CA10: variants seen among roughly 807,000 people sequenced by gnomAD.
The protein encoded by CA10 is carbonic anhydrase 10 (inactive).
Under a neutral mutation model 44.2 loss-of-function variants are expected in CA10, and 14 were observed. The ratio of observed to expected loss-of-function variants is 0.32; its 90% CI spans 0.21 to 0.50. The LOEUF is 0.50. Among genes scored for constraint, CA10 ranks in the 20% least tolerant of loss-of-function variants. CA10 has a pLI of 0.99. For missense variants in CA10, 350 were observed against 409.7 expected, an observed-to-expected ratio of 0.85 and a Z score of 1.26; for synonymous variants, 159 against 141.6, an observed-to-expected ratio of 1.12 and a Z score of -0.87.
chr17:52,100,288 T>C (rs1713604305), intron 1 of CA10, among the ~76,000 whole-genome samples: 1 of 152,128 alleles, frequency 6.6e-6, no homozygotes, highest in South Asian at 2.1e-4. Flanking sequence ...GGCACAGAGA[T>C]ATCATCTTCA....
intron 1 of CA10, among the ~76,000 whole-genome samples, chr17:52,119,248 G>A (rs1399450537): frequency 6.6e-6 from 1 of 150,984 alleles, no homozygotes; most frequent in African/African-American, 2.4e-5. Context: ...CAGTATTCAT[G>A]ACTTATGGCA....
intron 3 of CA10, among the ~76,000 whole-genome samples, chr17:51,769,585 A>G (rs952080044): frequency 1.3e-5 from 2 of 152,208 alleles, no homozygotes; most frequent in Non-Finnish European, 2.9e-5. Flanking sequence ...GACATCAGCT[A>G]TATGTAAAAG....
intron 3 of CA10, among the ~76,000 whole-genome samples, chr17:51,794,666 T>C (rs1463391302): frequency 6.6e-6 from 1 of 152,226 alleles, no homozygotes. Context: ...TTTCAACAAA[T>C]ATTTATTTTG....
At chr17:51,986,597 AC>A (rs1226802046) in intron 2 of CA10, among the ~76,000 whole-genome samples, 15 of 151,974 alleles carry the variant, frequency 9.9e-5, no homozygotes, top group Non-Finnish European at 2.1e-4. Context: ...GAAAATTTTC[AC>A]AGTCTATACA....
rs1183001217 is a variant in CA10 at position 51,824,926 on chromosome 17, C to T, written c.280-77108G>A. Among the ~76,000 whole-genome samples the T allele has an allele frequency of 2.6e-5, 4 of 152,368 alleles. No individual in the cohort carries two copies. In the East Asian group the frequency reaches 5.8e-4, roughly 22 times the overall value. On this transcript the variant is annotated intron_variant, in intron 3 of 8. Coordinates refer to ENST00000451037, the MANE Select transcript of CA10 (RefSeq NM_020178.5). Reference sequence around the variant, plus strand: ...CCATTTGCAGGCGTGGCCTTGGCAGCGGTGCTGGCTAGCCGCTGGTTCGGT... The same window carrying T: ...CCATTTGCAGGCGTGGCCTTGGCAGTGGTGCTGGCTAGCCGCTGGTTCGGT...
intron 3 of CA10, among the ~76,000 whole-genome samples, chr17:51,908,515 A>C (rs983609904): frequency 4.6e-5 from 7 of 152,138 alleles, no homozygotes; most frequent in African/African-American, 1.7e-4. Context: ...CCTGCCTGCT[A>C]GATTTGATTT....
chr17:51,755,705 C>T (rs1180444073), intron 3 of CA10, among the ~76,000 whole-genome samples: 2 of 152,216 alleles, frequency 1.3e-5, no homozygotes, highest in African/African-American at 4.8e-5. Flanking sequence ...AGGACACCTA[C>T]TAATTGGAGG....
chr17:52,043,218 G>T (rs888645362), intron 2 of CA10, among the ~76,000 whole-genome samples: 2 of 152,032 alleles, frequency 1.3e-5, no homozygotes, highest in Non-Finnish European at 2.9e-5. Context: ...CATTAACACA[G>T]AATATCATTC....
chr17:51,851,788 T>C (rs924723894), intron 3 of CA10, among the ~76,000 whole-genome samples: 2 of 152,216 alleles, frequency 1.3e-5, no homozygotes, highest in Admixed American at 6.5e-5. Context: ...TCTTTGGCCA[T>C]GTTTCCTCAT....
chr17:51,652,052 G>A (rs1013873996), intron 5 of CA10, among the ~76,000 whole-genome samples: 3 of 152,166 alleles, frequency 2.0e-5, no homozygotes, highest in Non-Finnish European at 4.4e-5. Flanking sequence ...AAAATGTCAT[G>A]TACTCCCTTC....
At chr17:51,732,037 A>G (rs995045698) in intron 4 of CA10, among the ~76,000 whole-genome samples, 2 of 152,146 alleles carry the variant, frequency 1.3e-5, no homozygotes, top group African/African-American at 4.8e-5. Flanking sequence ...TATTATTATT[A>G]TTACCATTCT....
At position 52,158,436 on chromosome 17, in the gene CA10, T is replaced by C. The variant is rs577897359; in HGVS notation, c.-650A>G. On this transcript the variant is annotated 5_prime_UTR_variant, in exon 1 of 9. Coordinates refer to ENST00000451037, the MANE Select transcript of CA10 (RefSeq NM_020178.5). ...ACAGAGAAAGAGAGGCAGGGATTAT[T>C]GCCCGAAACCGCCAGCCGCCGGCAG... 9.6e-4 allele frequency: 151 copies of C among 157,004 alleles called. No individual in the cohort carries two copies. The highest frequency in any genetic ancestry group is 3.1e-3 in the Middle Eastern group (1 of 318). 9.7% of individuals were successfully genotyped at this position (157,004 alleles called of 1,614,324 possible).
chr17:51,695,690 T>C (rs967785447), intron 4 of CA10, among the ~76,000 whole-genome samples: 1 of 152,198 alleles, frequency 6.6e-6, no homozygotes, highest in Non-Finnish European at 1.5e-5. Context: ...GGCAAGGACT[T>C]CCAGTACTGT....
chr17:52,120,468 CCTTATCCTT>C (rs1261176121), intron 1 of CA10, among the ~76,000 whole-genome samples: 1 of 147,902 alleles, frequency 6.8e-6, no homozygotes, highest in Non-Finnish European at 1.5e-5. Context: ...TTATCCTTAT[CCTTATCCTT>C]ATCTTTAACC....
chr17:51,890,161 G>T (rs1171270320), intron 3 of CA10, among the ~76,000 whole-genome samples: 1 of 152,120 alleles, frequency 6.6e-6, no homozygotes, highest in Non-Finnish European at 1.5e-5. Context: ...AGAACAGTTC[G>T]GTTAACTTCT....
chr17:51,826,792 G>T (rs1348522217), intron 3 of CA10, among the ~76,000 whole-genome samples: 1 of 152,186 alleles, frequency 6.6e-6, no homozygotes, highest in Non-Finnish European at 1.5e-5. Flanking sequence ...CCTACTCAGG[G>T]TCTCATTGGT....
At chr17:51,751,555 A>T (rs2143615100) in intron 3 of CA10, among the ~76,000 whole-genome samples, 1 of 152,302 alleles carries the variant, frequency 6.6e-6, no homozygotes, top group South Asian at 2.1e-4. Context: ...CTATTATGGC[A>T]TGGGTGCCTA....
At chr17:51,979,800 T>C (rs1217806432) in intron 2 of CA10, among the ~76,000 whole-genome samples, 1 of 152,148 alleles carries the variant, frequency 6.6e-6, no homozygotes, top group Non-Finnish European at 1.5e-5. Flanking sequence ...TGTTAGGGAT[T>C]AGTACCCAGA....
chr17:51,967,019 C>A, intron 2 of CA10, among the ~76,000 whole-genome samples: 1 of 151,450 alleles, frequency 6.6e-6, no homozygotes, highest in Non-Finnish European at 1.5e-5. Context: ...AAGCCAAAAC[C>A]AACCCCATTA....
Sources: gnomAD v4.1 joint callset for allele counts (sites outside exome capture counted in the v4.1 genomes callset) on GRCh38, gnomAD v4.1.1 for gene constraint, MANE v1.5 for transcripts, NCBI Gene and HGNC (gene_info 2026-07-23, HGNC 2026-07-21) for gene names.